Variants in ULK4 observed in about 807,000 individuals in gnomAD.
The protein encoded by ULK4 is unc-51 like kinase 4, also known as inactive serine/threonine-protein kinase ULK4.
Under a neutral mutation model 160.6 loss-of-function variants are expected in ULK4, and 133 were observed. That is an observed-to-expected ratio of 0.83 (90% confidence interval 0.72 to 0.96). ULK4 has a LOEUF of 0.96. Ranked by LOEUF, ULK4 falls within the 40% of genes least tolerant of loss-of-function variation. The pLI, the probability that ULK4 is intolerant of heterozygous loss-of-function variation, is 0.00. For synonymous variants in ULK4, 534 were observed against 539.8 expected (o/e 0.99, Z 0.15); for missense variants, 1,580 against 1,499.5 (o/e 1.05, Z -0.89).
chr3:41,904,147 A>G (rs1054397038), intron 12 of ULK4, among the ~76,000 whole-genome samples: 4 of 152,192 alleles, frequency 2.6e-5, no homozygotes, highest in Non-Finnish European at 4.4e-5. Flanking sequence ...ATTATAAAAC[A>G]TAAGGCCAAG....
At chr3:41,278,511 T>C (rs1341826884) in intron 35 of ULK4, among the ~76,000 whole-genome samples, 3 of 152,170 alleles carry the variant, frequency 2.0e-5, no homozygotes, top group Non-Finnish European at 2.9e-5. Flanking sequence ...CGCTGACCCC[T>C]GTGTAGCCTG....
chr3:41,911,396 GA>G lies in ULK4; in HGVS notation c.1016-11del. Reference sequence around the variant, plus strand: ...AACTCAGTTGGATTTTCTGTAGCAGGAAAGTAATATGTTATCCAGAAAAGAA... The same window carrying G: ...AACTCAGTTGGATTTTCTGTAGCAGGAAGTAATATGTTATCCAGAAAAGAA... On this transcript the variant is annotated splice_polypyrimidine_tract_variant and intron_variant, in intron 10 of 36. Coordinates refer to ENST00000301831, the MANE Select transcript of ULK4 (RefSeq NM_017886.4). The G allele has an allele frequency of 6.2e-7, 1 of 1,613,844 alleles. No homozygotes were observed. The highest frequency in any genetic ancestry group is 8.5e-7 in the Non-Finnish European group (1 of 1,179,800).
At chr3:41,791,263 G>A (rs894087169) in intron 20 of ULK4, among the ~76,000 whole-genome samples, 5 of 152,024 alleles carry the variant, frequency 3.3e-5, no homozygotes, top group African/African-American at 1.2e-4. Context: ...CAAAGTGCTG[G>A]GATTACAGAC....
intron 34 of ULK4, among the ~76,000 whole-genome samples, chr3:41,417,604 A>C (rs2082556667): frequency 6.6e-6 from 1 of 152,150 alleles, no homozygotes; most frequent in Non-Finnish European, 1.5e-5. Flanking sequence ...TGACTCTGCA[A>C]ACCCTGGGTG....
intron 22 of ULK4, among the ~76,000 whole-genome samples, chr3:41,746,501 A>C (rs751700407): frequency 6.6e-6 from 1 of 151,534 alleles, no homozygotes; most frequent in Non-Finnish European, 1.5e-5. Context: ...TAAAAAAAAA[A>C]AACTAAATAA....
At chr3:41,252,660 AC>A (rs1236346667) in intron 35 of ULK4, among the ~76,000 whole-genome samples, 2 of 151,816 alleles carry the variant, frequency 1.3e-5, no homozygotes, top group Non-Finnish European at 2.9e-5. Flanking sequence ...CACCTCAGGG[AC>A]CTATGAGACA....
Position 41,907,888 on chromosome 3 carries a change from T to C in ULK4, c.1139A>G (p.Asp380Gly). ...STAVEVSPGE[D>G]MTHCSPQKTS... ...CTTCTGTGGTGAACAGTGAGTCATA[T>C]CCTCACCAGGACTTACTTCCACTGC... The change falls in exon 12 of 37, where the codon GAT becomes GGT. Residue 380 changes from aspartate to glycine, a missense_variant. Coordinates refer to ENST00000301831, the MANE Select transcript of ULK4 (RefSeq NM_017886.4). The C allele has an allele frequency of 6.2e-7, 1 of 1,605,126 alleles. No individual in the cohort carries two copies. Among genetic ancestry groups the C allele is most frequent in the Non-Finnish European group, 8.5e-7 (1 of 1,176,284 alleles).
intron 35 of ULK4, among the ~76,000 whole-genome samples, chr3:41,377,752 A>G (rs1257345119): frequency 6.7e-6 from 1 of 148,486 alleles, no homozygotes; most frequent in Non-Finnish European, 1.5e-5. Context: ...GTGGAGAAAT[A>G]GGAACACTTT....
intron 32 of ULK4, among the ~76,000 whole-genome samples, chr3:41,529,234 A>G (rs1001260375): frequency 2.0e-5 from 3 of 152,188 alleles, no homozygotes; most frequent in Non-Finnish European, 4.4e-5. Flanking sequence ...ATATTCACAC[A>G]TTTCCATGAT....
chr3:41,534,789 A>G (rs1167172356), intron 32 of ULK4, among the ~76,000 whole-genome samples: 1 of 152,198 alleles, frequency 6.6e-6, no homozygotes, highest in Non-Finnish European at 1.5e-5. Flanking sequence ...ACTACACCTT[A>G]CACTCAATGC....
chr3:41,492,524 A>T (rs7618210), intron 32 of ULK4, among the ~76,000 whole-genome samples: 1 of 140,440 alleles, frequency 7.1e-6, no homozygotes, highest in Non-Finnish European at 1.5e-5. Flanking sequence ...ATCAACTAAC[A>T]AGCAAAATAA....
chr3:41,782,112 CA>C (rs2039860502), intron 21 of ULK4, among the ~76,000 whole-genome samples: 1 of 151,458 alleles, frequency 6.6e-6, no homozygotes, highest in Non-Finnish European at 1.5e-5. Flanking sequence ...ATTATTCTCA[CA>C]GTAACCTTTC....
chr3:41,786,813 T>C (rs1327157336), intron 21 of ULK4, among the ~76,000 whole-genome samples: 3 of 152,008 alleles, frequency 2.0e-5, no homozygotes, highest in Non-Finnish European at 2.9e-5. Flanking sequence ...GGACAATATA[T>C]ATAAAACAAA....
rs751497386 is a variant in ULK4 at position 41,911,321 on chromosome 3, G to A, written c.1081C>T (p.Leu361Phe). The change falls in exon 11 of 37, where the codon CTC becomes TTC. Residue 361 changes from leucine (L) to phenylalanine (F), a missense_variant. By Grantham distance (22) the Leu-to-Phe change is conservative (BLOSUM62 0). Transcript: ENST00000301831. ...EGQLNESMFL[L>F]SSRPTPRTST... ...CTCTTTTTTCATTTTACCTACCTGA[G>A]AAGAAACATGGATTCATTCAATTGA... The A allele has an allele frequency of 4.3e-6, 7 of 1,613,530 alleles. No homozygotes were observed. Among genetic ancestry groups the A allele is most frequent in the African/African-American group, 1.3e-5 (1 of 74,982 alleles).
intron 18 of ULK4, among the ~76,000 whole-genome samples, chr3:41,824,070 G>C (rs982674933): frequency 1.3e-5 from 2 of 149,116 alleles, no homozygotes; most frequent in Admixed American, 1.3e-4. Flanking sequence ...GGCTGAAACA[G>C]GAGAATTGCT....
chr3:41,657,132 GT>G (rs1484676877), intron 30 of ULK4, among the ~76,000 whole-genome samples: 3 of 151,896 alleles, frequency 2.0e-5, no homozygotes, highest in Non-Finnish European at 4.4e-5. Context: ...GGGCAGTACT[GT>G]TTTTTTAAAA....
At chr3:41,356,292 A>G (rs2081027994) in intron 35 of ULK4, among the ~76,000 whole-genome samples, 1 of 152,236 alleles carries the variant, frequency 6.6e-6, no homozygotes, top group South Asian at 2.1e-4. Flanking sequence ...CGCCAGACGC[A>G]TAGACGAGAC....
At chr3:41,824,681 G>A (rs1042253345) in intron 18 of ULK4, among the ~76,000 whole-genome samples, 11 of 152,204 alleles carry the variant, frequency 7.2e-5, no homozygotes, top group African/African-American at 2.7e-4. Context: ...CTCGAACTGG[G>A]TGGAGCCCAC....
intron 22 of ULK4, among the ~76,000 whole-genome samples, chr3:41,721,556 C>T (rs1262183881): frequency 2.0e-5 from 3 of 150,290 alleles, no homozygotes; most frequent in African/African-American, 7.4e-5. Context: ...TTAGTGGAGA[C>T]CGGGTTTCAC....
Sources: allele counts gnomAD v4.1 joint callset (sites outside exome capture counted in the v4.1 genomes callset), GRCh38; gene constraint gnomAD v4.1.1; transcripts MANE v1.5; gene names NCBI Gene and HGNC (gene_info 2026-07-23, HGNC 2026-07-21).